The following GSE1 variants were observed in gnomAD, a reference collection of about 807,000 sequenced individuals.
GSE1 encodes genetic suppressor element 1.
Under a neutral mutation model 112.6 loss-of-function variants are expected in GSE1, and 32 were observed. That is an observed-to-expected ratio of 0.28 (90% CI 0.21 to 0.38). GSE1 has a LOEUF of 0.38. Among genes scored for constraint, GSE1 ranks in the 10% least tolerant of loss-of-function variants. The pLI, the probability that GSE1 is intolerant of heterozygous loss-of-function variation, is 1.00. For missense variants in GSE1, 2,348 were observed against 1,699.2 expected (o/e 1.38, Z -6.71); for synonymous variants, 1,115 against 735.6 (o/e 1.52, Z -8.35).
At chr16:85,481,889 G>T (rs1311893628) in intron 2 of GSE1, among the ~76,000 whole-genome samples, 1 of 152,214 alleles carries the variant, frequency 6.6e-6, no homozygotes, top group Non-Finnish European at 1.5e-5. Context: ...CAGAGCTGGG[G>T]TGCAGGGCAG....
intron 2 of GSE1, among the ~76,000 whole-genome samples, chr16:85,369,078 C>A (rs2151593842): frequency 6.6e-6 from 1 of 152,302 alleles, no homozygotes; most frequent in East Asian, 1.9e-4. Context: ...GAGGTCAGAG[C>A]CCTGACTCGG....
chr16:85,205,328 C>T (rs1244912413), intron 1 of GSE1, among the ~76,000 whole-genome samples: 2 of 152,196 alleles, frequency 1.3e-5, no homozygotes, highest in South Asian at 2.1e-4. Flanking sequence ...GACGGGGTTT[C>T]GCCATGTTGG....
intron 2 of GSE1, among the ~76,000 whole-genome samples, chr16:85,548,459 A>G (rs186661352): frequency 1.0e-3 from 152 of 151,910 alleles, no homozygotes; most frequent in African/African-American, 3.4e-3. Flanking sequence ...CATGAGATCC[A>G]CTTTCTTAGT....
chr16:85,262,829 T>C (rs951775727), intron 1 of GSE1, among the ~76,000 whole-genome samples: 1 of 152,170 alleles, frequency 6.6e-6, no homozygotes, highest in African/African-American at 2.4e-5. Context: ...TGTGTTGCAA[T>C]GGGAGCTGAA....
intron 2 of GSE1, among the ~76,000 whole-genome samples, chr16:85,402,566 C>T (rs547234280): frequency 6.6e-6 from 1 of 152,254 alleles, no homozygotes; most frequent in East Asian, 1.9e-4. Context: ...CAGGGCGGCA[C>T]TTTGAAGAGA....
At chr16:85,647,864 C>T (rs1049389187) in intron 2 of GSE1, among the ~76,000 whole-genome samples, 1 of 152,142 alleles carries the variant, frequency 6.6e-6, no homozygotes, top group East Asian at 1.9e-4. Context: ...GGATTACAGG[C>T]GGGAGCCACC....
At chr16:85,464,918 C>T (rs1322777639) in intron 2 of GSE1, among the ~76,000 whole-genome samples, 1 of 152,218 alleles carries the variant, frequency 6.6e-6, no homozygotes, top group Non-Finnish European at 1.5e-5. Flanking sequence ...CCTGTGGTCA[C>T]GCCTCAGTCC....
chr16:85,481,343 C>T (rs932987296), intron 2 of GSE1, among the ~76,000 whole-genome samples: 21 of 152,190 alleles, frequency 1.4e-4, no homozygotes, highest in African/African-American at 5.1e-4. Context: ...GAGCTTGTAC[C>T]AGGCTCAGAG....
intron 2 of GSE1, among the ~76,000 whole-genome samples, chr16:85,427,930 A>C (rs986782139): frequency 6.6e-6 from 1 of 152,260 alleles, no homozygotes; most frequent in African/African-American, 2.4e-5. Context: ...GAGATATTCC[A>C]TATCCTTATT....
At chr16:85,368,133 C>G (rs986702203) in intron 2 of GSE1, among the ~76,000 whole-genome samples, 1 of 152,146 alleles carries the variant, frequency 6.6e-6, no homozygotes, top group African/African-American at 2.4e-5. Flanking sequence ...GGATTACAGG[C>G]GTGAGCCACC....
intron 2 of GSE1, among the ~76,000 whole-genome samples, chr16:85,383,521 A>C (rs1597553939): frequency 7.9e-6 from 1 of 127,302 alleles, no homozygotes; most frequent in African/African-American, 3.0e-5. Flanking sequence ...ACACACGCAC[A>C]CCTGCGTCTC....
intron 1 of GSE1, among the ~76,000 whole-genome samples, chr16:85,259,152 G>A (rs1486797451): frequency 6.6e-6 from 1 of 152,170 alleles, no homozygotes; most frequent in Non-Finnish European, 1.5e-5. Flanking sequence ...CTGTGGAAGG[G>A]AGAAGTAACA....
chr16:85,362,103 T>C (rs1297418479), intron 2 of GSE1, among the ~76,000 whole-genome samples: 2 of 152,166 alleles, frequency 1.3e-5, no homozygotes, highest in Non-Finnish European at 2.9e-5. Flanking sequence ...GTGAAGGCCA[T>C]GAGGAACCCT....
At position 85,673,978 on chromosome 16, in the gene GSE1, G is replaced by C. The variant is rs892912049; in HGVS notation, c.*1439G>C. On this transcript the variant is annotated 3_prime_UTR_variant, in exon 16 of 16. Transcript: ENST00000253458. ...AACTTACTGTGACAAGCACAGGAAC[G>C]GTCAGAAACTGGGCTCATCACACCA... 1 of 152,240 alleles carries C rather than the reference G, an allele frequency of 6.6e-6. No homozygotes were observed. The highest frequency in any genetic ancestry group is 2.4e-5 in the African/African-American group (1 of 41,450). The allele number at this position is 152,240 out of a possible 1,614,324, so 9.4% of individuals were successfully genotyped here.
At chr16:85,386,628 C>G (rs1004695251) in intron 2 of GSE1, among the ~76,000 whole-genome samples, 1 of 152,246 alleles carries the variant, frequency 6.6e-6, no homozygotes, top group African/African-American at 2.4e-5. Context: ...ATGCTAAACC[C>G]TCTCTGGGCC....
intron 2 of GSE1, among the ~76,000 whole-genome samples, chr16:85,429,298 A>C (rs1432642308): frequency 1.3e-5 from 2 of 152,206 alleles, no homozygotes; most frequent in Non-Finnish European, 2.9e-5. Flanking sequence ...CATCACTGGC[A>C]TGTTCTGCCA....
At chr16:85,549,239 A>G (rs1423649390) in intron 2 of GSE1, among the ~76,000 whole-genome samples, 3 of 151,922 alleles carry the variant, frequency 2.0e-5, no homozygotes, top group African/African-American at 4.8e-5. Context: ...CAGTGGCACA[A>G]ACACAGCTCA....
intron 1 of GSE1, among the ~76,000 whole-genome samples, chr16:85,254,013 T>TAA (rs1329181476): frequency 2.6e-5 from 4 of 152,044 alleles, no homozygotes; most frequent in African/African-American, 9.7e-5. Context: ...GGAGCAAAAA[T>TAA]AGAGGCCGAA....
intron 1 of GSE1, among the ~76,000 whole-genome samples, chr16:85,233,157 C>T (rs978670185): frequency 2.0e-5 from 3 of 152,274 alleles, no homozygotes; most frequent in African/African-American, 4.8e-5. Flanking sequence ...TTCTCATCCC[C>T]GACAGTCCCC....
Sources: allele counts gnomAD v4.1 joint callset (sites outside exome capture counted in the v4.1 genomes callset), GRCh38; gene constraint gnomAD v4.1.1; transcripts MANE v1.5; gene names NCBI Gene and HGNC (gene_info 2026-07-23, HGNC 2026-07-21).